SDCCAG8: variants seen among roughly 807,000 people sequenced by gnomAD.
The protein encoded by SDCCAG8 is SHH signaling and ciliogenesis regulator SDCCAG8.
A neutral mutation model predicts 101.8 loss-of-function variants in SDCCAG8; 74 were observed. The ratio of observed to expected loss-of-function variants is 0.73; its 90% confidence interval spans 0.60 to 0.88. The LOEUF (loss-of-function observed/expected upper bound fraction) is 0.88, where lower values mean the gene tolerates loss of function less well. Among genes scored for constraint, SDCCAG8 ranks in the 40% least tolerant of loss-of-function variants. The pLI is 0.00. For synonymous variants in SDCCAG8, 281 were observed against 292.9 expected, an observed-to-expected ratio of 0.96 and a Z score of 0.41; for missense variants, 787 against 822.6, an observed-to-expected ratio of 0.96 and a Z score of 0.53.
chr1:243,300,963 A>C (rs2071437154), intron 6 of SDCCAG8, among the ~76,000 whole-genome samples: 1 of 152,216 alleles, frequency 6.6e-6, no homozygotes, highest in Non-Finnish European at 1.5e-5. Context: ...TAGAAATATG[A>C]AAAAATTAAG....
At chr1:243,469,315 C>G (rs908288491) in intron 16 of SDCCAG8, among the ~76,000 whole-genome samples, 10 of 152,170 alleles carry the variant, frequency 6.6e-5, no homozygotes, top group African/African-American at 1.2e-4. Flanking sequence ...TACATCCTCA[C>G]TCACAAACTT....
At chr1:243,279,549 T>C (rs147900892) in intron 4 of SDCCAG8, among the ~76,000 whole-genome samples, 1 of 152,346 alleles carries the variant, frequency 6.6e-6, no homozygotes, top group Admixed American at 6.5e-5. Flanking sequence ...TTTTGCAGCA[T>C]AATAACGTCA....
intron 15 of SDCCAG8, among the ~76,000 whole-genome samples, chr1:243,419,575 T>C (rs1446336498): frequency 6.6e-6 from 1 of 152,210 alleles, no homozygotes; most frequent in Non-Finnish European, 1.5e-5. Flanking sequence ...GTGCTTGGTA[T>C]GTTATTTAAT....
intron 1 of SDCCAG8, among the ~76,000 whole-genome samples, chr1:243,259,020 C>T (rs78871868): frequency 0.092 from 14,059 of 152,250 alleles, 843 homozygotes; most frequent in Non-Finnish European, 0.13. Context: ...ACTAATATCC[C>T]TTCATTGATA....
Position 243,316,900 on chromosome 1 carries a change from C to T in SDCCAG8, c.1068+7C>T. 1 of 1,613,498 alleles carries T rather than the reference C, an allele frequency of 6.2e-7. No homozygotes were observed. The highest frequency in any genetic ancestry group is 8.5e-7 in the Non-Finnish European group (1 of 1,179,680). Reference sequence around the variant, plus strand: ...CAATTTTGAAAAAACCAAGGCAAGTCTAATAAGATGCAAATAAAAGTGTCT... The same window carrying T: ...CAATTTTGAAAAAACCAAGGCAAGTTTAATAAGATGCAAATAAAAGTGTCT... On this transcript the variant is annotated splice_region_variant and intron_variant, in intron 9 of 17. Coordinates refer to ENST00000366541, the MANE Select transcript of SDCCAG8 (RefSeq NM_006642.5).
chr1:243,380,392 G>A (rs1238241114), intron 13 of SDCCAG8, among the ~76,000 whole-genome samples: 1 of 152,162 alleles, frequency 6.6e-6, no homozygotes, highest in Admixed American at 6.5e-5. Context: ...GCTAAGCACT[G>A]CTAAACCTCA....
In SDCCAG8 at chr1:243,273,477, C is replaced by T. The variant is rs141589054; in HGVS notation, c.307-1066C>T. Among the ~76,000 whole-genome samples, 977 of 152,238 alleles carry T rather than the reference C, an allele frequency of 6.4e-3. 4 individuals carry two copies. Among genetic ancestry groups the T allele is most frequent in the Middle Eastern group, 0.02 (6 of 294 alleles). On this transcript the variant is annotated intron_variant, in intron 3 of 17. Transcript: ENST00000366541. ...TGCTACAGAGCTAAAATAGCATTAGCGTTTTTTTGAAATCTCTTCGTTGGA... is the reference window on the plus strand; with the variant it reads ...TGCTACAGAGCTAAAATAGCATTAGTGTTTTTTTGAAATCTCTTCGTTGGA...
At chr1:243,411,397 G>A (rs536539706) in intron 13 of SDCCAG8, among the ~76,000 whole-genome samples, 2 of 152,142 alleles carry the variant, frequency 1.3e-5, no homozygotes, top group African/African-American at 4.8e-5. Context: ...GATTACAGGT[G>A]TAAGCCACTG....
chr1:243,403,519 G>C (rs1380916756), intron 13 of SDCCAG8, among the ~76,000 whole-genome samples: 1 of 152,100 alleles, frequency 6.6e-6, no homozygotes. Context: ...TATGAGGAGA[G>C]GTACTGTTAT....
intron 12 of SDCCAG8, among the ~76,000 whole-genome samples, chr1:243,357,799 A>G (rs2076474626): frequency 6.6e-6 from 1 of 152,224 alleles, no homozygotes. Context: ...TTACACATTT[A>G]CAGTCAATTG....
intron 17 of SDCCAG8, among the ~76,000 whole-genome samples, chr1:243,497,584 A>C (rs1229847552): frequency 7.2e-5 from 11 of 152,056 alleles, no homozygotes. Context: ...GATAGTGATA[A>C]ATTGCTAGGT....
intron 9 of SDCCAG8, among the ~76,000 whole-genome samples, chr1:243,321,965 T>C (rs914516309): frequency 6.6e-6 from 1 of 152,252 alleles, no homozygotes; most frequent in African/African-American, 2.4e-5. Flanking sequence ...TCTTTGCTAT[T>C]GTGAATAATG....
At chr1:243,368,597 G>T (rs2077119297) in intron 12 of SDCCAG8, among the ~76,000 whole-genome samples, 1 of 152,116 alleles carries the variant, frequency 6.6e-6, no homozygotes, top group Non-Finnish European at 1.5e-5. Context: ...TTGGATGATA[G>T]TTCATTTAGG....
intron 16 of SDCCAG8, among the ~76,000 whole-genome samples, chr1:243,428,311 C>T (rs2148048827): frequency 6.6e-6 from 1 of 152,308 alleles, no homozygotes; most frequent in African/African-American, 2.4e-5. Context: ...CTGTGTGTCA[C>T]ATTTTCTACC....
rs995590866 is a variant in SDCCAG8 at position 243,347,105 on chromosome 1, T to G, written c.1473+2774T>G. Among the ~76,000 whole-genome samples, 4 of 152,252 alleles carry G rather than the reference T, an allele frequency of 2.6e-5. No individual in the cohort carries two copies. The South Asian group carries it at 6.2e-4, about 24-fold the overall frequency. On this transcript the variant is annotated intron_variant, in intron 12 of 17. Coordinates refer to ENST00000366541, the MANE Select transcript of SDCCAG8 (RefSeq NM_006642.5). Reference sequence around the variant, plus strand: ...TCTATCTCACTTTTTTCTCTCTACTTCTGTCCTCATCGTCACCTTCATCTT... The same window carrying G: ...TCTATCTCACTTTTTTCTCTCTACTGCTGTCCTCATCGTCACCTTCATCTT...
At chr1:243,451,672 C>G (rs2083366249) in intron 16 of SDCCAG8, among the ~76,000 whole-genome samples, 1 of 152,150 alleles carries the variant, frequency 6.6e-6, no homozygotes, top group African/African-American at 2.4e-5. Flanking sequence ...TGCCTGTAAT[C>G]CCAGCACTTT....
At chr1:243,349,858 T>G (rs942883625) in intron 12 of SDCCAG8, among the ~76,000 whole-genome samples, 5 of 152,066 alleles carry the variant, frequency 3.3e-5, no homozygotes, top group African/African-American at 9.7e-5. Flanking sequence ...CGGCATTGTA[T>G]AAATTATAAT....
At chr1:243,310,393 A>G (rs1478475916) in intron 8 of SDCCAG8, among the ~76,000 whole-genome samples, 2 of 152,176 alleles carry the variant, frequency 1.3e-5, no homozygotes, top group Non-Finnish European at 2.9e-5. Flanking sequence ...TGAGGTACAT[A>G]TTATTACCCC....
intron 17 of SDCCAG8, among the ~76,000 whole-genome samples, chr1:243,492,811 A>T (rs1459542449): frequency 1.4e-5 from 2 of 143,306 alleles, no homozygotes; most frequent in African/African-American, 5.2e-5. Context: ...TTCTCCACGT[A>T]GGCCAGGCTG....
Sources: gnomAD v4.1 joint callset for allele counts (sites outside exome capture counted in the v4.1 genomes callset) on GRCh38, gnomAD v4.1.1 for gene constraint, MANE v1.5 for transcripts, NCBI Gene and HGNC (gene_info 2026-07-23, HGNC 2026-07-21) for gene names.